The following TNFRSF11A variants were observed in gnomAD, a reference collection of about 807,000 sequenced individuals.
TNFRSF11A encodes TNF receptor superfamily member 11a, also known as tumor necrosis factor receptor superfamily member 11A.
TNFRSF11A carries 32 observed loss-of-function variants against 55.7 expected under a neutral mutation model. The observed-to-expected ratio is 0.57, with a 90% CI of 0.43 to 0.77. The LOEUF (loss-of-function observed/expected upper bound fraction) is 0.77. Among genes scored for constraint, TNFRSF11A ranks in the 30% least tolerant of loss-of-function variants. The probability of loss-of-function intolerance (pLI) is 0.00; values close to 1 mark genes in which losing one functional copy is unlikely to be tolerated. For missense variants in TNFRSF11A, 753 were observed against 809.8 expected, an observed-to-expected ratio of 0.93 and a Z score of 0.85; for synonymous variants, 311 against 331.0, an observed-to-expected ratio of 0.94 and a Z score of 0.65.
chr18:62,329,571 C>T (rs986948289), intron 1 of TNFRSF11A, among the ~76,000 whole-genome samples: 1 of 152,228 alleles, frequency 6.6e-6, no homozygotes, highest in Non-Finnish European at 1.5e-5. Flanking sequence ...GTTCAGCTCA[C>T]CCTTTGTGCC....
Position 62,385,359 on chromosome 18 carries a change from T to A in TNFRSF11A, c.*325T>A. ...CCTGTTCTGTGGGGGGGGGGGTCTG[T>A]TTTCCCCCCATATTTGTATTCCTTT... On this transcript the variant is annotated 3_prime_UTR_variant, in exon 10 of 10. Transcript: ENST00000586569. 4.1e-6 allele frequency: 1 copy of A among 241,244 alleles called. No homozygotes were observed. Among genetic ancestry groups the A allele is most frequent in the Admixed American group, 5.7e-5 (1 of 17,582 alleles). 14.9% of individuals were successfully genotyped at this position (241,244 alleles called of 1,614,324 possible).
rs1910312624 is a variant in TNFRSF11A at position 62,369,046 on chromosome 18, C to T, written c.1129C>T (p.Pro377Ser). 1 of 1,614,118 alleles carries T rather than the reference C, an allele frequency of 6.2e-7. No individual in the cohort carries two copies. The highest frequency in any genetic ancestry group is 1.1e-5 in the South Asian group (1 of 91,094). The change falls in exon 9 of 10, where the codon CCC becomes TCC. Residue 377 changes from proline to serine, a missense_variant. Around this residue, in one of 3 missense-constraint regions of TNFRSF11A, gnomAD observed 567 missense variants for 596.7 expected, o/e 0.95. Coordinates refer to ENST00000586569, the MANE Select transcript of TNFRSF11A (RefSeq NM_003839.4). ...GSKSTPPFSE[P>S]LEVGENDSLS... The stretch of plus-strand genomic sequence containing the variant: ...CAAATCCACACCTCCTTTCTCTGAA[C>T]CCCTGGAGGTGGGGGAGAATGACAG...
rs1366511024 is a variant in TNFRSF11A at position 62,388,600 on chromosome 18, C to T, written c.*3566C>T. 1 of 152,322 alleles carries T rather than the reference C, an allele frequency of 6.6e-6. No individual in the cohort carries two copies. Among genetic ancestry groups the T allele is most frequent in the Admixed American group, 6.5e-5 (1 of 15,292 alleles). 9.4% of individuals were successfully genotyped at this position (152,322 alleles called of 1,614,324 possible). ...AAGAGGAACATATCCCAGCCCCTAA[C>T]CAGTGAGTAGCTCCTTCTCTGGTGA... On this transcript the variant is annotated 3_prime_UTR_variant, in exon 10 of 10. Coordinates refer to ENST00000586569, the MANE Select transcript of TNFRSF11A (RefSeq NM_003839.4).
At chr18:62,349,760 T>C (rs1404261358) in intron 2 of TNFRSF11A, 52 bp from the exon 3 acceptor site, 10 of 1,609,910 alleles carry the variant, frequency 6.2e-6, no homozygotes, top group Middle Eastern at 1.7e-4. Flanking sequence ...TTTGTGTTGC[T>C]GTTTTTGTTT....
In TNFRSF11A at chr18:62,390,312, A is replaced by G. The variant is rs1381999600; in HGVS notation, c.*5278A>G. The G allele has an allele frequency of 6.6e-6, 1 of 152,266 alleles. No individual in the cohort carries two copies. Among genetic ancestry groups the G allele is most frequent in the Admixed American group, 6.5e-5 (1 of 15,294 alleles). 9.4% of individuals were successfully genotyped at this position (152,266 alleles called of 1,614,324 possible). ...ACACTGAGGGAAGTAGACTTACCCA[A>G]TATAACTTCACATTATACTGTCTTA... On this transcript the variant is annotated 3_prime_UTR_variant, in exon 10 of 10. Transcript: ENST00000586569.
Position 62,369,436 on chromosome 18 carries a change from G to T in TNFRSF11A, c.1519G>T (p.Ala507Ser). The T allele has an allele frequency of 6.2e-7, 1 of 1,610,548 alleles. No homozygotes were observed. Among genetic ancestry groups the T allele is most frequent in the Non-Finnish European group, 8.5e-7 (1 of 1,180,032 alleles). ...ADGRLPSSAR[A>S]GAGSGSSPGG... Reference sequence around the variant, plus strand: ...TGGGAGGCTCCCAAGCTCAGCGAGGGCAGGTGCCGGGTCTGGAAGCTCCCC... The same window carrying T: ...TGGGAGGCTCCCAAGCTCAGCGAGGTCAGGTGCCGGGTCTGGAAGCTCCCC... The change falls in exon 9 of 10, where the codon GCA becomes TCA. Residue 507 changes from alanine (A) to serine (S), a missense_variant. This residue lies in a region of TNFRSF11A where 567 missense variants were observed against 596.7 expected (regional missense o/e 0.95). Coordinates refer to ENST00000586569, the MANE Select transcript of TNFRSF11A (RefSeq NM_003839.4).
In TNFRSF11A at chr18:62,338,234, T is replaced by C. The variant is rs181099058; in HGVS notation, c.76-9934T>C. The stretch of plus-strand genomic sequence containing the variant: ...AACCCTCATGCAGTGCTGCTGGGAA[T>C]GTGCAATGATGCCACCCCTGCGGAA... On this transcript the variant is annotated intron_variant, in intron 1 of 9. Coordinates refer to ENST00000586569, the MANE Select transcript of TNFRSF11A (RefSeq NM_003839.4). Among the ~76,000 whole-genome samples, 128 of 152,304 alleles carry C rather than the reference T, an allele frequency of 8.4e-4. 2 individuals are homozygous for C. Among genetic ancestry groups the C allele is most frequent in the Admixed American group, 6.5e-5 (1 of 15,294 alleles).
intron 1 of TNFRSF11A, among the ~76,000 whole-genome samples, chr18:62,335,042 A>G (rs72931591): frequency 0.15 from 23,136 of 151,934 alleles, 2,400 homozygotes; most frequent in Middle Eastern, 0.28. Flanking sequence ...TTAAAAGTGG[A>G]AAATTGCCCC....
chr18:62,361,228 C>A (rs1909661043), intron 6 of TNFRSF11A, among the ~76,000 whole-genome samples: 2 of 152,172 alleles, frequency 1.3e-5, no homozygotes, highest in Admixed American at 6.5e-5. Flanking sequence ...ATGAAAACTA[C>A]AGAAATATTT....
chr18:62,384,915 C>A lies in TNFRSF11A; in HGVS notation c.1732C>A (p.Arg578=). The A allele has an allele frequency of 7.7e-6, 12 of 1,564,850 alleles. No homozygotes were observed. Among genetic ancestry groups the A allele is most frequent in the Non-Finnish European group, 9.5e-6 (11 of 1,156,130 alleles). Residue 578 remains arginine, a synonymous_variant, in exon 10 of 10, where the codon CGA becomes AGA. Transcript: ENST00000586569. ...GGTGCAGGAGGAGACCCTGGCGCGC[C>A]GAGACTCCTTCGCGGGGAACGGCCC... ...RPVQEETLAR[R]DSFAGNGPRF...
chr18:62,348,817 A>G (rs1262882497), intron 2 of TNFRSF11A, among the ~76,000 whole-genome samples: 1 of 152,184 alleles, frequency 6.6e-6, no homozygotes, highest in Non-Finnish European at 1.5e-5. Flanking sequence ...CTCTCTCATC[A>G]TTCTGGGGAG....
intron 9 of TNFRSF11A, among the ~76,000 whole-genome samples, chr18:62,384,385 CCCT>C (rs1911519387): frequency 7.2e-6 from 1 of 138,020 alleles, no homozygotes; most frequent in Non-Finnish European, 1.6e-5. Flanking sequence ...CCTCTTCCTC[CCCT>C]CCTCCTCCCC....
chr18:62,380,802 ATT>A (rs776822508), intron 9 of TNFRSF11A, among the ~76,000 whole-genome samples: 12 of 128,106 alleles, frequency 9.4e-5, no homozygotes, highest in Non-Finnish European at 1.8e-4. Context: ...CAAAAATAAT[ATT>A]CTTTTTTTTT....
chr18:62,335,129 A>ATTTTTTTTTTTT lies in TNFRSF11A; in HGVS notation c.75+9707_75+9718dup, dbSNP rs11289576. Among the ~76,000 whole-genome samples, 87 of 140,776 alleles carry ATTTTTTTTTTTT rather than the reference A, an allele frequency of 6.2e-4. 2 individuals are homozygous for ATTTTTTTTTTTT. The highest frequency in any genetic ancestry group is 1.1e-3 in the South Asian group (5 of 4,394). 92.4% of individuals were successfully genotyped at this position (140,776 alleles called of 152,430 possible). On this transcript the variant is annotated intron_variant, in intron 1 of 9. Transcript: ENST00000586569. ...CTGTGACCAAGCCACTGGGGTCGGA[A>ATTTTTTTTTTTT]TTTTTTTTTTTTTTTTGTTACCCAG...
chr18:62,342,883 T>A (rs1394470727), intron 1 of TNFRSF11A, among the ~76,000 whole-genome samples: 1 of 152,256 alleles, frequency 6.6e-6, no homozygotes, highest in Non-Finnish European at 1.5e-5. Flanking sequence ...ACCTTTTATA[T>A]GTTTGTTGTT....
At chr18:62,380,441 T>TA in intron 9 of TNFRSF11A, among the ~76,000 whole-genome samples, 4 of 150,332 alleles carry the variant, frequency 2.7e-5, no homozygotes, top group African/African-American at 9.8e-5. Context: ...AGGAATTTTT[T>TA]TTTTTTTTTT....
At chr18:62,373,604 T>C (rs1910701475) in intron 9 of TNFRSF11A, among the ~76,000 whole-genome samples, 1 of 152,190 alleles carries the variant, frequency 6.6e-6, no homozygotes, top group Non-Finnish European at 1.5e-5. Context: ...TCCTGTTTGT[T>C]CCCCCAAGTC....
rs1293955770 is a variant in TNFRSF11A, at chr18:62,389,919, A to G, written c.*4885A>G. On this transcript the variant is annotated 3_prime_UTR_variant, in exon 10 of 10. Coordinates refer to ENST00000586569, the MANE Select transcript of TNFRSF11A (RefSeq NM_003839.4). ...TGTGACTTGTGGACTTATCTTGTGCAGCTACATCACTTCTTAGCCTTGTTT... is the reference window on the plus strand; with the variant it reads ...TGTGACTTGTGGACTTATCTTGTGCGGCTACATCACTTCTTAGCCTTGTTT... 1 of 152,250 alleles carries G rather than the reference A, an allele frequency of 6.6e-6. No homozygotes were observed. The highest frequency in any genetic ancestry group is 1.5e-5 in the Non-Finnish European group (1 of 68,070). 9.4% of individuals were successfully genotyped at this position (152,250 alleles called of 1,614,324 possible).
At chr18:62,381,483 G>C (rs539450440) in intron 9 of TNFRSF11A, among the ~76,000 whole-genome samples, 2 of 152,270 alleles carry the variant, frequency 1.3e-5, no homozygotes, top group South Asian at 4.1e-4. Flanking sequence ...ATAAAGAAGA[G>C]ATGAGAACGA....
Sources: allele counts gnomAD v4.1 joint callset (sites outside exome capture counted in the v4.1 genomes callset), GRCh38; gene constraint gnomAD v4.1.1; regional missense constraint gnomAD v4.1.1; transcripts MANE v1.5; gene names NCBI Gene and HGNC (gene_info 2026-07-23, HGNC 2026-07-21).